Variants in SMAP1 observed in about 807,000 individuals in gnomAD.
SMAP1 encodes the protein stromal membrane-associated protein 1.
A neutral mutation model predicts 58.5 loss-of-function variants in SMAP1; 24 were observed. That is an observed-to-expected ratio of 0.41 (90% confidence interval 0.30 to 0.58). The LOEUF (loss-of-function observed/expected upper bound fraction) is 0.58. Ranked by LOEUF, SMAP1 falls within the 20% of genes least tolerant of loss-of-function variation. SMAP1 has a pLI of 0.29. For synonymous variants in SMAP1, 216 were observed against 196.6 expected (o/e 1.10, Z -0.82); for missense variants, 563 against 566.3 (o/e 0.99, Z 0.06).
chr6:70,786,975 A>G (rs950335101), intron 4 of SMAP1, among the ~76,000 whole-genome samples: 4 of 152,198 alleles, frequency 2.6e-5, no homozygotes, highest in Admixed American at 1.3e-4. Flanking sequence ...GAACCAAAAA[A>G]GAGCCCGCAT....
At chr6:70,760,426 T>C (rs373799234) in intron 3 of SMAP1, among the ~76,000 whole-genome samples, 1 of 152,144 alleles carries the variant, frequency 6.6e-6, no homozygotes, top group South Asian at 2.1e-4. Context: ...TGATTACTTA[T>C]GTTAAGAGTA....
intron 6 of SMAP1, among the ~76,000 whole-genome samples, chr6:70,804,417 G>A (rs1769022558): frequency 6.6e-6 from 1 of 151,712 alleles, no homozygotes; most frequent in Non-Finnish European, 1.5e-5. Flanking sequence ...CCTGAATACA[G>A]CACGCTGATG....
chr6:70,708,151 TC>T (rs1259103601), intron 1 of SMAP1, among the ~76,000 whole-genome samples: 2 of 152,176 alleles, frequency 1.3e-5, no homozygotes, highest in African/African-American at 4.8e-5. Context: ...CTGGTAACCA[TC>T]ATTCTACTCT....
chr6:70,732,289 T>C (rs1765461413), intron 1 of SMAP1, 89 bp from the exon 2 acceptor site: 19 of 1,374,060 alleles, frequency 1.4e-5, no homozygotes, highest in Non-Finnish European at 1.9e-5. Flanking sequence ...ATTATAATTA[T>C]ATAAAACCGA....
intron 2 of SMAP1, among the ~76,000 whole-genome samples, chr6:70,741,448 T>A (rs552505414): frequency 3.9e-5 from 6 of 152,246 alleles, no homozygotes; most frequent in African/African-American, 1.2e-4. Context: ...TGACTCTGTG[T>A]CTCACATGCA....
intron 1 of SMAP1, among the ~76,000 whole-genome samples, chr6:70,691,002 C>A (rs991901893): frequency 1.3e-5 from 2 of 151,980 alleles, no homozygotes; most frequent in Non-Finnish European, 2.9e-5. Context: ...TGAGCAGATT[C>A]AGTTTATTTA....
At chr6:70,837,426 TA>T (rs1770636403) in intron 7 of SMAP1, among the ~76,000 whole-genome samples, 1 of 152,156 alleles carries the variant, frequency 6.6e-6, no homozygotes, top group Non-Finnish European at 1.5e-5. Context: ...TATTGTAAAA[TA>T]CGTTGGTTTA....
chr6:70,760,325 G>T (rs1283587512), intron 3 of SMAP1, among the ~76,000 whole-genome samples: 2 of 151,724 alleles, frequency 1.3e-5, no homozygotes, highest in African/African-American at 4.8e-5. Context: ...TACAAATTAT[G>T]GTCATATTTA....
At position 70,808,901 on chromosome 6, in the gene SMAP1, C is replaced by CGTGTGTGT. The variant is rs1562176834; in HGVS notation, c.576+10164_576+10165insGTGTGTGT. Among the ~76,000 whole-genome samples, 7 of 71,494 alleles carry CGTGTGTGT rather than the reference C, an allele frequency of 9.8e-5. No homozygotes were observed. The South Asian group carries it at 1.9e-3, about 20-fold the overall frequency. 46.9% of individuals were successfully genotyped at this position (71,494 alleles called of 152,430 possible). On this transcript the variant is annotated intron_variant, in intron 6 of 10. Transcript: ENST00000370455. ...ATTTATTTCTAGTGCAGGCTGTTTC[C>CGTGTGTGT]CTGTGTGTGTGTGTGTGTGTGTGTG...
chr6:70,807,569 T>C (rs756487596), intron 6 of SMAP1, among the ~76,000 whole-genome samples: 3 of 152,252 alleles, frequency 2.0e-5, no homozygotes, highest in Non-Finnish European at 4.4e-5. Context: ...GAGTACTCTA[T>C]TAAAGGAATG....
Position 70,773,489 on chromosome 6 carries a change from A to G in SMAP1, c.414+64A>G, listed in dbSNP as rs567387865. ...CTAGATTTCAAACTTTTAACATGCA[A>G]TACAGCTTAATTTATTTATTGTGAA... On this transcript the variant is annotated intron_variant, in intron 4 of 10. Transcript: ENST00000370455. 250 of 842,770 alleles carry G rather than the reference A, an allele frequency of 3.0e-4. 3 individuals are homozygous for G. In the South Asian group the frequency reaches 4.0e-3, roughly 14 times the overall value. 52.2% of individuals were successfully genotyped at this position (842,770 alleles called of 1,614,324 possible). A position where few individuals can be genotyped will look rare whatever the true frequency, so the allele number is the denominator to read the frequency against.
intron 7 of SMAP1, among the ~76,000 whole-genome samples, chr6:70,844,132 A>T (rs1259373174): frequency 6.6e-6 from 1 of 152,218 alleles, no homozygotes; most frequent in African/African-American, 2.4e-5. Flanking sequence ...AATCTAGTTT[A>T]TCACCATTTT....
intron 2 of SMAP1, among the ~76,000 whole-genome samples, chr6:70,737,188 C>T (rs572074514): frequency 6.6e-6 from 1 of 152,214 alleles, no homozygotes; most frequent in Non-Finnish European, 1.5e-5. Flanking sequence ...GTCACCTAGG[C>T]TGGAGTGCAG....
intron 1 of SMAP1, among the ~76,000 whole-genome samples, chr6:70,718,648 C>T (rs935988854): frequency 4.0e-5 from 6 of 151,810 alleles, no homozygotes; most frequent in African/African-American, 1.2e-4. Flanking sequence ...GATCCAATCC[C>T]GTCTCTGCTA....
At chr6:70,771,674 A>G (rs1767321438) in intron 3 of SMAP1, among the ~76,000 whole-genome samples, 1 of 152,038 alleles carries the variant, frequency 6.6e-6, no homozygotes, top group Non-Finnish European at 1.5e-5. Flanking sequence ...TTTGACTAGG[A>G]AAGGGAACTC....
At chr6:70,765,288 A>G (rs528974018) in intron 3 of SMAP1, among the ~76,000 whole-genome samples, 13 of 152,346 alleles carry the variant, frequency 8.5e-5, no homozygotes, top group Non-Finnish European at 1.6e-4. Flanking sequence ...GACTTTAAGC[A>G]AAATGACATA....
intron 1 of SMAP1, among the ~76,000 whole-genome samples, chr6:70,695,207 A>G (rs762227674): frequency 6.6e-6 from 1 of 151,914 alleles, no homozygotes; most frequent in Non-Finnish European, 1.5e-5. Context: ...TTTTCTAAAT[A>G]TAAGATCATA....
intron 6 of SMAP1, among the ~76,000 whole-genome samples, chr6:70,817,071 C>G (rs537011007): frequency 6.6e-6 from 1 of 151,274 alleles, no homozygotes; most frequent in South Asian, 2.1e-4. Flanking sequence ...GACAGGACCC[C>G]TTTCCCAGAA....
intron 3 of SMAP1, among the ~76,000 whole-genome samples, chr6:70,758,503 T>C (rs1183043172): frequency 2.0e-5 from 3 of 151,896 alleles, no homozygotes; most frequent in Non-Finnish European, 2.9e-5. Flanking sequence ...ACATGTACCC[T>C]AAAACTTAAA....
Sources: allele counts gnomAD v4.1 joint callset (sites outside exome capture counted in the v4.1 genomes callset), GRCh38; gene constraint gnomAD v4.1.1; transcripts MANE v1.5; gene names NCBI Gene and HGNC (gene_info 2026-07-23, HGNC 2026-07-21).